TMEM181: variants seen among roughly 807,000 people sequenced by gnomAD.
The protein encoded by TMEM181 is G protein-coupled receptor 178.
Under a neutral mutation model 71.9 loss-of-function variants are expected in TMEM181, and 39 were observed. The observed-to-expected ratio is 0.54, with a 90% CI of 0.42 to 0.71. The LOEUF (loss-of-function observed/expected upper bound fraction) is 0.71. Among genes scored for constraint, TMEM181 ranks in the 30% least tolerant of loss-of-function variants. TMEM181 has a pLI of 0.00. For missense variants in TMEM181, 595 were observed against 583.0 expected (o/e 1.02, Z -0.21); for synonymous variants, 245 against 228.8 (o/e 1.07, Z -0.64).
chr6:158,633,466 C>A lies in TMEM181; in HGVS notation c.*1578C>A, dbSNP rs1440484038. 1 of 152,190 alleles carries A rather than the reference C, an allele frequency of 6.6e-6. No homozygotes were observed. The highest frequency in any genetic ancestry group is 2.4e-5 in the African/African-American group (1 of 41,436). The allele number at this position is 152,190 out of a possible 1,614,324, so 9.4% of individuals were successfully genotyped here. On this transcript the variant is annotated 3_prime_UTR_variant, in exon 17 of 17. Transcript: ENST00000684151. ...TAACTGTGGGCAACCTGACTGATGCCGTCTTGGCAATTGAGGTCCAGAAGA... is the reference window on the plus strand; with the variant it reads ...TAACTGTGGGCAACCTGACTGATGCAGTCTTGGCAATTGAGGTCCAGAAGA...
At chr6:158,603,788 T>G (rs2128313969) in intron 6 of TMEM181, among the ~76,000 whole-genome samples, 1 of 152,320 alleles carries the variant, frequency 6.6e-6, no homozygotes, top group South Asian at 2.1e-4. Flanking sequence ...ATTCGTTGTT[T>G]TTTTCCTCAT....
At chr6:158,616,916 T>C (rs893286225) in intron 10 of TMEM181, among the ~76,000 whole-genome samples, 12 of 152,232 alleles carry the variant, frequency 7.9e-5, no homozygotes, top group Non-Finnish European at 1.8e-4. Context: ...TTCACATCAA[T>C]GTTCATCAGG....
chr6:158,583,189 C>T lies in TMEM181; in HGVS notation c.169-765C>T, dbSNP rs551835701. ...CAGAGGTTGCAGTGAGCCGAGATCA[C>T]GCCCCTGCTCTCCAGCCTGGGTGAC... On this transcript the variant is annotated intron_variant, in intron 3 of 16. Transcript: ENST00000684151. Among the ~76,000 whole-genome samples the T allele has an allele frequency of 6.6e-5, 10 of 152,130 alleles. No individual in the cohort carries two copies. In the East Asian group the frequency reaches 9.7e-4, roughly 15 times the overall value.
Position 158,633,020 on chromosome 6 carries a change from G to A in TMEM181, c.*1132G>A, listed in dbSNP as rs898050053. On this transcript the variant is annotated 3_prime_UTR_variant, in exon 17 of 17. Coordinates refer to ENST00000684151, the MANE Select transcript of TMEM181 (RefSeq NM_001376852.1). ...GGAGGTCAAGGCTGCAGTGAGCCAT[G>A]ATTGCACCACTGCACTCCAGCCTGG... 1 of 152,274 alleles carries A rather than the reference G, an allele frequency of 6.6e-6. No individual in the cohort carries two copies. The highest frequency in any genetic ancestry group is 1.5e-5 in the Non-Finnish European group (1 of 68,088). 9.4% of individuals were successfully genotyped at this position (152,274 alleles called of 1,614,324 possible).
chr6:158,573,925 G>A lies in TMEM181; in HGVS notation c.112+402G>A, dbSNP rs1582966688. ...CTGATGGGGAGGGGAGGAGAGTGGG[G>A]GGCTGATGGCTGTGAGCATGGGGCG... is the stretch of plus-strand genomic sequence containing the variant. On this transcript the variant is annotated intron_variant, in intron 2 of 16. Transcript: ENST00000684151. Among the ~76,000 whole-genome samples the A allele has an allele frequency of 2.0e-5, 3 of 152,190 alleles. No individual in the cohort carries two copies. The South Asian group carries it at 6.2e-4, about 32-fold the overall frequency.
chr6:158,625,621 T>C, intron 12 of TMEM181, 82 bp from the exon 13 acceptor site: 3 of 1,288,718 alleles, frequency 2.3e-6, no homozygotes, highest in Non-Finnish European at 3.3e-6. Flanking sequence ...GAGCTTTGCT[T>C]AATTTTTGTT....
At chr6:158,626,871 CT>C (rs1786312285) in intron 13 of TMEM181, among the ~76,000 whole-genome samples, 2 of 114,088 alleles carry the variant, frequency 1.8e-5, no homozygotes, top group African/African-American at 6.3e-5. Context: ...CACACCCTCA[CT>C]CTCACACTCT....
At chr6:158,554,556 T>C (rs1014422106) in intron 1 of TMEM181, among the ~76,000 whole-genome samples, 5 of 152,276 alleles carry the variant, frequency 3.3e-5, no homozygotes, top group Admixed American at 3.3e-4. Context: ...AGGAAAAAAA[T>C]TGGCTTCATT....
chr6:158,543,844 G>C (rs1781435474), intron 1 of TMEM181, among the ~76,000 whole-genome samples: 1 of 152,200 alleles, frequency 6.6e-6, no homozygotes, highest in Non-Finnish European at 1.5e-5. Context: ...ACCATAACAG[G>C]CTTTCCTTGA....
Position 158,585,329 on chromosome 6 carries a change from C to T in TMEM181, c.285C>T (p.Pro95=). 2 of 1,606,480 alleles carry T rather than the reference C, an allele frequency of 1.2e-6. No individual in the cohort carries two copies. The highest frequency in any genetic ancestry group is 1.1e-5 in the South Asian group (1 of 89,372). Residue 95 remains proline, a synonymous_variant, in exon 5 of 17, where the codon CCC becomes CCT. Transcript: ENST00000684151. ...AAACTTCTATTAAGACAAGCTTTCC[C>T]ATGACTGTTAAAGTCGATGGTGTAG... ...SKETSIKTSF[P]MTVKVDGVAQ...
chr6:158,590,177 T>G (rs1582995526), intron 6 of TMEM181, among the ~76,000 whole-genome samples: 1 of 152,074 alleles, frequency 6.6e-6, no homozygotes, highest in Non-Finnish European at 1.5e-5. Context: ...CCAGCTGAAA[T>G]CTCCCCTTTC....
chr6:158,559,966 G>A (rs1362043159), upstream of TMEM181: 8 of 790,858 alleles, frequency 1.0e-5, no homozygotes, highest in Non-Finnish European at 1.2e-5. Flanking sequence ...CTCCGCCCCG[G>A]CACGGGGCCA....
intron 6 of TMEM181, among the ~76,000 whole-genome samples, chr6:158,597,460 G>C (rs568494058): frequency 6.6e-6 from 1 of 152,194 alleles, no homozygotes; most frequent in African/African-American, 2.4e-5. Flanking sequence ...GACACATTCT[G>C]TGCCCTCAGT....
rs1785088506 is a variant in TMEM181 at position 158,608,479 on chromosome 6, C to T, written c.804+16C>T. 2.5e-6 allele frequency: 4 copies of T among 1,614,036 alleles called. No homozygotes were observed. The South Asian group carries it at 4.4e-5, about 18-fold the overall frequency. ...TCGTGTCCAGGTGAGCCGGAGCCGC[C>T]CTCACTGCCGGGGGAGGTTCCAGAC... On this transcript the variant is annotated intron_variant, in intron 9 of 16. Transcript: ENST00000684151.
At chr6:158,594,366 T>G (rs1180586962) in intron 6 of TMEM181, among the ~76,000 whole-genome samples, 4 of 152,154 alleles carry the variant, frequency 2.6e-5, no homozygotes, top group Admixed American at 2.6e-4. Context: ...CCGAAAGTGC[T>G]GGGATTACAT....
intron 15 of TMEM181, among the ~76,000 whole-genome samples, chr6:158,630,568 G>A (rs181832332): frequency 6.6e-6 from 1 of 152,100 alleles, no homozygotes; most frequent in African/African-American, 2.4e-5. Context: ...TAACACTTAA[G>A]GCAGAATAGG....
intron 1 of TMEM181, among the ~76,000 whole-genome samples, chr6:158,565,423 G>A (rs1282388024): frequency 1.3e-5 from 2 of 152,196 alleles, no homozygotes; most frequent in Admixed American, 6.5e-5. Context: ...TGGCCTCAAG[G>A]ACCAGGTCCC....
intron 13 of TMEM181, among the ~76,000 whole-genome samples, chr6:158,626,153 G>A (rs1350094941): frequency 6.6e-6 from 1 of 152,192 alleles, no homozygotes; most frequent in Non-Finnish European, 1.5e-5. Context: ...ATGCTCCATT[G>A]CTGCCATTGG....
intron 11 of TMEM181, 139 bp downstream of exon 11, chr6:158,623,746 T>G (rs1583052286): frequency 1.9e-6 from 1 of 529,496 alleles, no homozygotes; most frequent in Non-Finnish European, 3.2e-6. Context: ...AGTTCAAGGG[T>G]GGAAGATTTG....
Sources: gnomAD v4.1 joint callset for allele counts (sites outside exome capture counted in the v4.1 genomes callset) on GRCh38, gnomAD v4.1.1 for gene constraint, MANE v1.5 for transcripts, NCBI Gene and HGNC (gene_info 2026-07-23, HGNC 2026-07-21) for gene names.